Variants in MTUS2 observed in about 807,000 individuals in gnomAD.
MTUS2 encodes the protein microtubule-associated tumor suppressor candidate 2.
In MTUS2, 40 loss-of-function variants were observed where a neutral mutation model predicts 114.1. That is an observed-to-expected ratio of 0.35 (90% confidence interval 0.27 to 0.46). The LOEUF (loss-of-function observed/expected upper bound fraction) is 0.46, where lower values mean the gene tolerates loss of function less well. MTUS2 is among the 20% of genes least tolerant of loss of function. MTUS2 has a pLI of 1.00. For synonymous variants in MTUS2, 688 were observed against 672.0 expected (o/e 1.02, Z -0.37); for missense variants, 1,679 against 1,705.4 (o/e 0.98, Z 0.27).
At chr13:29,149,211 A>G (rs1001198344) in intron 5 of MTUS2, among the ~76,000 whole-genome samples, 2 of 152,052 alleles carry the variant, frequency 1.3e-5, no homozygotes, top group African/African-American at 2.4e-5. Context: ...TGACTTTTTA[A>G]TAATTCTGAC....
chr13:29,389,327 G>GTATATA lies in MTUS2; in HGVS notation c.3117+29855_3117+29856insATATAT, dbSNP rs1566172333. Reference sequence around the variant, plus strand: ...TGTGTATATATGTATACACATATGTGTGTATATATGTATGCACGTGTGTGT... The same window carrying GTATATA: ...TGTGTATATATGTATACACATATGTGTATATATGTATATATGTATGCACGTGTGTGT... On this transcript the variant is annotated intron_variant, in intron 8 of 15. Transcript: ENST00000612955. Among the ~76,000 whole-genome samples, 428 of 63,654 alleles carry GTATATA rather than the reference G, an allele frequency of 6.7e-3. 35 individuals carry two copies. Among genetic ancestry groups the GTATATA allele is most frequent in the Non-Finnish European group, 7.8e-3 (215 of 27,634 alleles). The allele number at this position is 63,654 out of a possible 152,430, so 41.8% of individuals were successfully genotyped here.
chr13:29,176,693 T>C (rs1415115180), intron 5 of MTUS2, among the ~76,000 whole-genome samples: 1 of 151,678 alleles, frequency 6.6e-6, no homozygotes, highest in Admixed American at 6.5e-5. Flanking sequence ...TCCACCCTCA[T>C]GACTTAATCA....
At chr13:29,058,052 T>C (rs1414979286) in intron 4 of MTUS2, among the ~76,000 whole-genome samples, 1 of 152,182 alleles carries the variant, frequency 6.6e-6, no homozygotes, top group Non-Finnish European at 1.5e-5. Context: ...TGAAACTTAG[T>C]TTGACTGGAT....
intron 2 of MTUS2, among the ~76,000 whole-genome samples, chr13:28,938,107 G>T (rs12584674): frequency 0.14 from 20,648 of 152,146 alleles, 1,521 homozygotes; most frequent in South Asian, 0.21. Context: ...TGTCTTGGCC[G>T]GGTGCGGTGG....
chr13:29,195,641 A>G (rs1593586740), intron 5 of MTUS2, among the ~76,000 whole-genome samples: 1 of 152,058 alleles, frequency 6.6e-6, no homozygotes, highest in African/African-American at 2.4e-5. Context: ...AAAAGAAAGG[A>G]AAGCCAGACG....
intron 9 of MTUS2, among the ~76,000 whole-genome samples, chr13:29,446,264 T>TTCTGA: frequency 6.6e-6 from 1 of 152,300 alleles, no homozygotes; most frequent in African/African-American, 2.4e-5. Flanking sequence ...TTTAGCGAGG[T>TTCTGA]TCTGAGCACC....
chr13:29,066,264 T>C (rs1422382140), intron 4 of MTUS2, among the ~76,000 whole-genome samples: 1 of 152,218 alleles, frequency 6.6e-6, no homozygotes, highest in African/African-American at 2.4e-5. Flanking sequence ...TTTATTGTGA[T>C]CTATAATTTT....
chr13:29,391,643 G>GT (rs35184621), intron 8 of MTUS2, among the ~76,000 whole-genome samples: 47,219 of 148,502 alleles, frequency 0.32, 7,504 homozygotes, highest in Middle Eastern at 0.39. Flanking sequence ...TTTTTAAAAT[G>GT]TTTTTTTTTT....
Position 29,099,028 on chromosome 13 carries a change from G to A in MTUS2, c.2447-1745G>A, listed in dbSNP as rs139202019. 1.6e-3 allele frequency among the ~76,000 whole-genome samples: 251 copies of A among 152,230 alleles called. 1 individual carries two copies. Among genetic ancestry groups the A allele is most frequent in the African/African-American group, 5.6e-3 (234 of 41,556 alleles). On this transcript the variant is annotated intron_variant, in intron 4 of 15. Transcript: ENST00000612955. The stretch of plus-strand genomic sequence containing the variant: ...ACTCTTTTCCTGTTCTACAGACATC[G>A]TCCACAATCAATTTGTCGTAAATTC...
At chr13:29,434,601 TTCTG>T (rs1412958632) in intron 8 of MTUS2, among the ~76,000 whole-genome samples, 2 of 152,166 alleles carry the variant, frequency 1.3e-5, no homozygotes, top group East Asian at 3.8e-4. Context: ...TAAATAGCTG[TTCTG>T]TTGGTTTCTA....
chr13:29,052,243 AG>A (rs1887931140), intron 4 of MTUS2, among the ~76,000 whole-genome samples: 1 of 152,146 alleles, frequency 6.6e-6, no homozygotes, highest in African/African-American at 2.4e-5. Context: ...GCACTTTGGG[AG>A]GGTGAGGCAG....
At chr13:29,069,459 C>T (rs1565991323) in intron 4 of MTUS2, among the ~76,000 whole-genome samples, 1 of 152,192 alleles carries the variant, frequency 6.6e-6, no homozygotes, top group South Asian at 2.1e-4. Flanking sequence ...TGGTACCCAC[C>T]CACATTGGGG....
At chr13:29,461,174 G>A (rs1879460868) in intron 9 of MTUS2, among the ~76,000 whole-genome samples, 2 of 152,140 alleles carry the variant, frequency 1.3e-5, no homozygotes, top group South Asian at 4.1e-4. Context: ...AAGAGAGAGA[G>A]TGAGGGCAGG....
chr13:29,388,371 A>T (rs1341304817), intron 8 of MTUS2, among the ~76,000 whole-genome samples: 1 of 151,408 alleles, frequency 6.6e-6, no homozygotes, highest in African/African-American at 2.4e-5. Context: ...ACTTGATCGA[A>T]TGTAGCAACT....
chr13:29,330,209 A>G (rs973050065), intron 7 of MTUS2, among the ~76,000 whole-genome samples: 1 of 152,076 alleles, frequency 6.6e-6, no homozygotes, highest in Non-Finnish European at 1.5e-5. Flanking sequence ...CTTTTTTTAC[A>G]TGTGTTTGTT....
chr13:29,288,296 T>C (rs184165116), intron 6 of MTUS2, among the ~76,000 whole-genome samples: 297 of 152,278 alleles, frequency 2.0e-3, no homozygotes, highest in Non-Finnish European at 3.5e-3. Context: ...TAACTGCGAT[T>C]GCCACCTTGC....
chr13:29,348,585 G>A (rs1054105597), intron 7 of MTUS2, among the ~76,000 whole-genome samples: 7 of 152,216 alleles, frequency 4.6e-5, no homozygotes, highest in African/African-American at 1.2e-4. Context: ...GTTGGTTGAA[G>A]CATTGTCAAG....
intron 2 of MTUS2, among the ~76,000 whole-genome samples, chr13:28,862,351 C>G (rs926350253): frequency 2.6e-5 from 4 of 152,228 alleles, no homozygotes; most frequent in Non-Finnish European, 4.4e-5. Context: ...TGGCTCACGC[C>G]TTTAATCCTA....
At chr13:29,207,113 G>C (rs1895220962) in intron 5 of MTUS2, among the ~76,000 whole-genome samples, 1 of 151,960 alleles carries the variant, frequency 6.6e-6, no homozygotes, top group Non-Finnish European at 1.5e-5. Flanking sequence ...TCTTTGTAGA[G>C]GTCTTTCACC....
Sources: gnomAD v4.1 joint callset for allele counts (sites outside exome capture counted in the v4.1 genomes callset) on GRCh38, gnomAD v4.1.1 for gene constraint, MANE v1.5 for transcripts, NCBI Gene and HGNC (gene_info 2026-07-23, HGNC 2026-07-21) for gene names.